SMARCA1: variants seen among roughly 807,000 people sequenced by gnomAD.
The protein encoded by SMARCA1 is SNF2 related chromatin remodeling ATPase 1.
In SMARCA1, 17 loss-of-function variants were observed where a neutral mutation model predicts 93.6. The ratio of observed to expected loss-of-function variants is 0.18; its 90% CI spans 0.12 to 0.27. SMARCA1 has a LOEUF of 0.27. SMARCA1 is among the 10% of genes least tolerant of loss of function. SMARCA1 has a pLI of 1.00. For missense variants in SMARCA1, 630 were observed against 819.0 expected (o/e 0.77, Z 2.82); for synonymous variants, 271 against 271.4 (o/e 1.00, Z 0.01).
intron 19 of SMARCA1, among the ~76,000 whole-genome samples, chrX:129,472,825 A>C (rs937816316): frequency 1.5e-4 from 17 of 111,946 alleles, no homozygotes. Context: ...AATGAGCAGC[A>C]TTTCCTTTGG....
chrX:129,481,525 C>A (rs992374624), intron 17 of SMARCA1, among the ~76,000 whole-genome samples: 1 of 111,772 alleles, frequency 8.9e-6, no homozygotes, highest in African/African-American at 3.3e-5. Flanking sequence ...ACTGTGGTAA[C>A]TGTAATACGT....
intron 23 of SMARCA1, among the ~76,000 whole-genome samples, chrX:129,451,798 G>A (rs1602638595): frequency 9.3e-6 from 1 of 107,735 alleles, no homozygotes; most frequent in East Asian, 3.0e-4. Context: ...CCATCTCCCG[G>A]GTTCACACCA....
At chrX:129,499,637 A>G in intron 10 of SMARCA1, 95 bp downstream of exon 10, 1 of 433,149 alleles carries the variant, frequency 2.3e-6, no homozygotes, top group Non-Finnish European at 4.1e-6. Context: ...ATAAAATGTA[A>G]TTTTTGAACT....
At chrX:129,498,986 T>C (rs1934448294) in intron 10 of SMARCA1, among the ~76,000 whole-genome samples, 1 of 111,212 alleles carries the variant, frequency 9.0e-6, no homozygotes, top group Non-Finnish European at 1.9e-5. Context: ...TCACCAACAT[T>C]TTCATCAACA....
At chrX:129,485,207 C>T (rs1402053954) in intron 17 of SMARCA1, among the ~76,000 whole-genome samples, 1 of 112,259 alleles carries the variant, frequency 8.9e-6, no homozygotes, top group African/African-American at 3.2e-5. Context: ...GCCCTGGAGG[C>T]AGGGCTGCCC....
rs1163348309 is a variant in SMARCA1 at position 129,465,516 on chromosome X, A to G, written c.3030+4T>C. The G allele has an allele frequency of 1.7e-6, 2 of 1,162,408 alleles. No individual in the cohort carries two copies. The highest frequency in any genetic ancestry group is 3.0e-5 in the East Asian group (1 of 33,214). On this transcript the variant is annotated splice_donor_region_variant and intron_variant, in intron 23 of 24. Coordinates refer to ENST00000371121, the MANE Select transcript of SMARCA1 (RefSeq NM_001282874.2). Reference sequence around the variant, plus strand: ...GAGGAAATCGGTAAGAAAGGAATACATACCATGGCAGTCCTAGACTTGATA... The same window carrying G: ...GAGGAAATCGGTAAGAAAGGAATACGTACCATGGCAGTCCTAGACTTGATA...
At chrX:129,507,307 A>G (rs1424521223) in intron 7 of SMARCA1, among the ~76,000 whole-genome samples, 1 of 111,818 alleles carries the variant, frequency 8.9e-6, no homozygotes, top group Non-Finnish European at 1.9e-5. Context: ...TAATTCCAGG[A>G]AATTATTTTC....
chrX:129,503,226 C>T (rs1320293658), intron 9 of SMARCA1, among the ~76,000 whole-genome samples: 2 of 112,022 alleles, frequency 1.8e-5, no homozygotes, highest in African/African-American at 6.5e-5. Context: ...TGAAGGATCA[C>T]CAGTATCATG....
At chrX:129,515,601 CA>C (rs1349993413) in intron 5 of SMARCA1, 85 bp downstream of exon 5, 66 of 601,904 alleles carry the variant, frequency 1.1e-4, no homozygotes, top group African/African-American at 3.4e-4. Context: ...CTCCAGGCAT[CA>C]GGGGGGCAGG....
chrX:129,495,407 G>C (rs945781947), intron 12 of SMARCA1, among the ~76,000 whole-genome samples: 5 of 112,342 alleles, frequency 4.5e-5, no homozygotes, highest in African/African-American at 1.6e-4. Flanking sequence ...ACAGTTTGAA[G>C]TGCAGTGGCA....
rs143933035 is a variant in SMARCA1, at chrX:129,482,788, T to G, written c.2218-1603A>C. ...ATGTTCTGGAGTCTGAGAAATGGCT[T>G]CCTAATTCATATTTTTCTTTATTTC... On this transcript the variant is annotated intron_variant, in intron 17 of 24. Coordinates refer to ENST00000371121, the MANE Select transcript of SMARCA1 (RefSeq NM_001282874.2). Among the ~76,000 whole-genome samples, 422 of 111,912 alleles carry G rather than the reference T, an allele frequency of 3.8e-3. 3 individuals are homozygous for G. The highest frequency in any genetic ancestry group is 0.013 in the African/African-American group (411 of 30,862).
chrX:129,466,223 G>T (rs1225141873), intron 21 of SMARCA1, among the ~76,000 whole-genome samples: 1 of 111,510 alleles, frequency 9.0e-6, no homozygotes, highest in African/African-American at 3.3e-5. Flanking sequence ...CATCCCAAAT[G>T]ACTAGGATTT....
At chrX:129,452,664 C>T (rs1217968259) in intron 23 of SMARCA1, among the ~76,000 whole-genome samples, 5 of 112,065 alleles carry the variant, frequency 4.5e-5, no homozygotes, top group African/African-American at 1.3e-4. Flanking sequence ...TGCATATCAT[C>T]GATTTGCACA....
chrX:129,499,925 T>C (rs1934487926), intron 9 of SMARCA1, 84 bp from the exon 10 acceptor site: 4 of 456,218 alleles, frequency 8.8e-6, no homozygotes, highest in Admixed American at 3.1e-5. Flanking sequence ...TAATGTGAAA[T>C]TTACTTCCCA....
intron 17 of SMARCA1, among the ~76,000 whole-genome samples, chrX:129,486,575 T>C (rs192674606): frequency 2.7e-5 from 3 of 111,574 alleles, no homozygotes; most frequent in East Asian, 2.8e-4. Context: ...TTCTAATAAC[T>C]TTATGAGTAT....
At chrX:129,500,698 A>G (rs778837572) in intron 9 of SMARCA1, among the ~76,000 whole-genome samples, 346 of 111,983 alleles carry the variant, frequency 3.1e-3, no homozygotes, top group Non-Finnish European at 5.4e-3. Context: ...TTTCATATAG[A>G]AAACCACGTG....
At chrX:129,507,890 A>C (rs1261126763) in intron 7 of SMARCA1, 51 bp downstream of exon 7, 1 of 880,023 alleles carries the variant, frequency 1.1e-6, no homozygotes, top group African/African-American at 2.1e-5. Context: ...AAAGTGAACA[A>C]ACCAACCTGG....
At position 129,515,711 on chromosome X, in the gene SMARCA1, G is replaced by A. The variant is rs1935171981; in HGVS notation, c.606C>T (p.Val202=). 3.3e-6 allele frequency: 4 copies of A among 1,194,158 alleles called. No homozygotes were observed. Among genetic ancestry groups the A allele is most frequent in the Admixed American group, 2.2e-5 (1 of 45,625 alleles). The change falls in exon 5 of 25, where the codon GTC becomes GTT. Residue 202 remains valine (V), a synonymous_variant. Coordinates refer to ENST00000371121, the MANE Select transcript of SMARCA1 (RefSeq NM_001282874.2). The part of the protein sequence containing the change: ...NWLISLYENG[V]NGILADEMGL... ...CCATTTCATCAGCCAAAATGCCATT[G>A]ACTCCATTTTCATATAAAGAGATCA... is the stretch of plus-strand genomic sequence containing the variant.
intron 19 of SMARCA1, among the ~76,000 whole-genome samples, chrX:129,473,571 A>G (rs1472776784): frequency 1.8e-5 from 2 of 112,242 alleles, no homozygotes; most frequent in Non-Finnish European, 3.8e-5. Flanking sequence ...CCATCAAGAG[A>G]ATGAATAAGC....
Sources: gnomAD v4.1 joint callset for allele counts (sites outside exome capture counted in the v4.1 genomes callset) on GRCh38, gnomAD v4.1.1 for gene constraint, MANE v1.5 for transcripts, NCBI Gene and HGNC (gene_info 2026-07-23, HGNC 2026-07-21) for gene names.